The following NBAS variants were observed in gnomAD, a reference collection of about 807,000 sequenced individuals.
The protein encoded by NBAS is NAG/BC035112 fusion.
Under a neutral mutation model 302.5 loss-of-function variants are expected in NBAS, and 219 were observed. The observed-to-expected ratio is 0.72, with a 90% CI of 0.65 to 0.81. The LOEUF (loss-of-function observed/expected upper bound fraction) is 0.81, where lower values mean the gene tolerates loss of function less well. NBAS is among the 30% of genes least tolerant of loss of function. The pLI is 0.00. For synonymous variants in NBAS, 1,118 were observed against 1,021.6 expected (o/e 1.09, Z -1.80); for missense variants, 2,932 against 2,841.6 (o/e 1.03, Z -0.72).
chr2:14,906,839 A>T, the NBAS span, among the ~76,000 whole-genome samples: 1 of 152,182 alleles, frequency 6.6e-6, no homozygotes, highest in Non-Finnish European at 1.5e-5. Context: ...TGAGAAGACA[A>T]AGTCGAGGGT....
chr2:15,293,651 G>A (rs1435783190), intron 40 of NBAS, among the ~76,000 whole-genome samples: 3 of 149,488 alleles, frequency 2.0e-5, no homozygotes, highest in Non-Finnish European at 3.0e-5. Flanking sequence ...GCAAATTAGA[G>A]AAAAAAAAAA....
chr2:15,132,947 T>C, the NBAS span, among the ~76,000 whole-genome samples: 1 of 152,116 alleles, frequency 6.6e-6, no homozygotes, highest in Non-Finnish European at 1.5e-5. Flanking sequence ...AATTACACTC[T>C]ATTGTTTGTG....
chr2:15,381,548 C>T (rs1386087416), intron 29 of NBAS, among the ~76,000 whole-genome samples: 1 of 152,158 alleles, frequency 6.6e-6, no homozygotes, highest in East Asian at 1.9e-4. Flanking sequence ...CAGAAACTAA[C>T]TCAAATGTAA....
intron 40 of NBAS, among the ~76,000 whole-genome samples, chr2:15,305,527 C>A (rs2148149680): frequency 6.7e-6 from 1 of 149,368 alleles, no homozygotes; most frequent in Middle Eastern, 3.4e-3. Context: ...TCTCAGCTCA[C>A]TGCAACCTCC....
intron 44 of NBAS, among the ~76,000 whole-genome samples, chr2:15,263,809 T>C (rs1400049177): frequency 6.6e-6 from 1 of 152,172 alleles, no homozygotes; most frequent in African/African-American, 2.4e-5. Context: ...CATCTTTAAC[T>C]GAGTTATTTG....
At chr2:14,918,045 A>G in the NBAS span, among the ~76,000 whole-genome samples, 1 of 152,020 alleles carries the variant, frequency 6.6e-6, no homozygotes, top group African/African-American at 2.4e-5. Context: ...CTTCCTTCTG[A>G]GAAGGACGGG....
chr2:15,039,092 C>G, the NBAS span, among the ~76,000 whole-genome samples: 1 of 152,150 alleles, frequency 6.6e-6, no homozygotes, highest in Non-Finnish European at 1.5e-5. Flanking sequence ...TGAATACACA[C>G]TCTGACTCTG....
At chr2:14,814,816 TC>T in the NBAS span, among the ~76,000 whole-genome samples, 19 of 151,596 alleles carry the variant, frequency 1.3e-4, no homozygotes, top group Non-Finnish European at 8.8e-5. Context: ...TGGCTCTGTG[TC>T]CCCCCCCAAA....
chr2:14,929,767 G>A, the NBAS span, among the ~76,000 whole-genome samples: 1 of 152,128 alleles, frequency 6.6e-6, no homozygotes, highest in Non-Finnish European at 1.5e-5. Context: ...GGTTGCTAGT[G>A]CAGAGAGGGC....
intron 47 of NBAS, among the ~76,000 whole-genome samples, chr2:15,224,102 A>G (rs1361030152): frequency 6.6e-6 from 1 of 152,254 alleles, no homozygotes; most frequent in African/African-American, 2.4e-5. Context: ...AACCATGACA[A>G]CAAAACATGT....
At chr2:15,319,344 A>C (rs1671677199) in intron 38 of NBAS, among the ~76,000 whole-genome samples, 1 of 152,192 alleles carries the variant, frequency 6.6e-6, no homozygotes. Context: ...AGAACTAGAG[A>C]AGCAAGAGCA....
the NBAS span, among the ~76,000 whole-genome samples, chr2:15,070,002 C>CA: frequency 5.3e-5 from 8 of 151,950 alleles, no homozygotes; most frequent in Non-Finnish European, 1.0e-4. Flanking sequence ...AGAACCCCCC[C>CA]ACCATGAGAA....
rs576685794 is a variant in NBAS, at chr2:15,352,884, T to G, written c.4089+669A>C. 2.0e-5 allele frequency among the ~76,000 whole-genome samples: 3 copies of G among 152,182 alleles called. No individual in the cohort carries two copies. The East Asian group carries it at 5.8e-4, about 30-fold the overall frequency. On this transcript the variant is annotated intron_variant, in intron 34 of 51. Transcript: ENST00000281513. ...GAAACTGTCTTTCCCTGGTGCTGGCTGCAACCAATTATTATCTTAGAGAGG... is the reference window on the plus strand; with the variant it reads ...GAAACTGTCTTTCCCTGGTGCTGGCGGCAACCAATTATTATCTTAGAGAGG...
At chr2:14,807,446 T>C in the NBAS span, among the ~76,000 whole-genome samples, 1 of 106,186 alleles carries the variant, frequency 9.4e-6, no homozygotes, top group East Asian at 2.3e-4. Context: ...ATCCCGTGTG[T>C]GTGTGTGAGT....
At chr2:15,285,933 T>C (rs1254744643) in intron 42 of NBAS, among the ~76,000 whole-genome samples, 1 of 152,192 alleles carries the variant, frequency 6.6e-6, no homozygotes, top group African/African-American at 2.4e-5. Flanking sequence ...GTGTTGGGAT[T>C]ACAGGCGTGA....
chr2:15,154,928 C>T, the NBAS span, among the ~76,000 whole-genome samples: 1,081 of 152,266 alleles, frequency 7.1e-3, 10 homozygotes, highest in African/African-American at 0.023. Context: ...TGGTGGAAGC[C>T]GGTGATTCTT....
rs1306296804 is a variant in NBAS at position 15,250,642 on chromosome 2, G to A, written c.5725-11956C>T. 2.0e-5 allele frequency among the ~76,000 whole-genome samples: 3 copies of A among 152,126 alleles called. No individual in the cohort carries two copies. The East Asian group carries it at 5.8e-4, about 29-fold the overall frequency. On this transcript the variant is annotated intron_variant, in intron 44 of 51. Coordinates refer to ENST00000281513, the MANE Select transcript of NBAS (RefSeq NM_015909.4). ...GAAATAAACAACCTCATCAAAAAGT[G>A]GGCAAAGGATATGAACAGACACATC...
chr2:15,366,557 A>T, intron 32 of NBAS, 23 bp downstream of exon 32: 3 of 1,577,570 alleles, frequency 1.9e-6, no homozygotes. Context: ...CTTATTCTGC[A>T]GTTTAGTACT....
chr2:14,808,836 G>A, the NBAS span, among the ~76,000 whole-genome samples: 9 of 152,318 alleles, frequency 5.9e-5, no homozygotes, highest in African/African-American at 2.2e-4. Flanking sequence ...GAGTGGCTTT[G>A]AGCAAAATGC....
Sources: gnomAD v4.1 joint callset for allele counts (sites outside exome capture counted in the v4.1 genomes callset) on GRCh38, gnomAD v4.1.1 for gene constraint, MANE v1.5 for transcripts, NCBI Gene and HGNC (gene_info 2026-07-23, HGNC 2026-07-21) for gene names.